ASIC2: variants seen among roughly 807,000 people sequenced by gnomAD.
ASIC2 encodes acid-sensing ion channel 2.
A neutral mutation model predicts 57.3 loss-of-function variants in ASIC2; 25 were observed. The observed-to-expected ratio is 0.44, with a 90% CI of 0.32 to 0.61. The LOEUF (loss-of-function observed/expected upper bound fraction) is 0.61. ASIC2 is among the 20% of genes least tolerant of loss of function. The pLI, the probability that ASIC2 is intolerant of heterozygous loss-of-function variation, is 0.06. For missense variants in ASIC2, 641 were observed against 738.1 expected, an observed-to-expected ratio of 0.87 and a Z score of 1.52; for synonymous variants, 319 against 307.5, an observed-to-expected ratio of 1.04 and a Z score of -0.39.
At chr17:33,305,700 G>A (rs572409674) in intron 1 of ASIC2, among the ~76,000 whole-genome samples, 216 of 152,146 alleles carry the variant, frequency 1.4e-3, no homozygotes, top group Non-Finnish European at 2.1e-3. Context: ...TATAATCCGC[G>A]TAAGGATATA....
intron 1 of ASIC2, among the ~76,000 whole-genome samples, chr17:33,731,524 G>C (rs1464113827): frequency 1.3e-5 from 2 of 152,206 alleles, no homozygotes; most frequent in Non-Finnish European, 2.9e-5. Flanking sequence ...ATCTATGCTA[G>C]AGTTCTGCTG....
chr17:33,017,505 G>T, intron 8 of ASIC2, 100 bp downstream of exon 8: 2 of 953,776 alleles, frequency 2.1e-6, no homozygotes, highest in Middle Eastern at 2.3e-4. Flanking sequence ...GGCTCTGCAT[G>T]GAGAGAGGCA....
At chr17:33,113,102 A>C (rs541766903) in intron 1 of ASIC2, among the ~76,000 whole-genome samples, 1 of 152,290 alleles carries the variant, frequency 6.6e-6, no homozygotes, top group Non-Finnish European at 1.5e-5. Flanking sequence ...GCTTGATGAA[A>C]GTATGATTAC....
intron 1 of ASIC2, among the ~76,000 whole-genome samples, chr17:33,627,516 T>G (rs923587369): frequency 6.6e-6 from 1 of 152,210 alleles, no homozygotes. Context: ...CTGCCACTGA[T>G]GAAAAGTGTC....
At chr17:33,816,106 T>C (rs1912571344) in intron 1 of ASIC2, among the ~76,000 whole-genome samples, 1 of 122,080 alleles carries the variant, frequency 8.2e-6, no homozygotes, top group Non-Finnish European at 1.6e-5. Context: ...ATGGAAGAGA[T>C]GAGGGGAGAC....
intron 1 of ASIC2, among the ~76,000 whole-genome samples, chr17:34,032,992 C>T (rs886403641): frequency 2.6e-5 from 4 of 152,186 alleles, no homozygotes; most frequent in Non-Finnish European, 4.4e-5. Context: ...AGGAATTGAA[C>T]TCAGCTCTGC....
chr17:33,217,216 G>T (rs1270113559), intron 1 of ASIC2, among the ~76,000 whole-genome samples: 2 of 152,162 alleles, frequency 1.3e-5, no homozygotes, highest in East Asian at 3.9e-4. Context: ...TCTGATGGAT[G>T]GTTACCCCAA....
intron 1 of ASIC2, among the ~76,000 whole-genome samples, chr17:33,502,638 G>A (rs910561797): frequency 1.3e-5 from 2 of 152,124 alleles, no homozygotes; most frequent in Non-Finnish European, 2.9e-5. Context: ...CTCACATCAG[G>A]GCAGGAACCC....
intron 1 of ASIC2, among the ~76,000 whole-genome samples, chr17:33,729,422 G>A (rs1272384347): frequency 6.6e-6 from 1 of 152,118 alleles, no homozygotes; most frequent in African/African-American, 2.4e-5. Context: ...CAACACTGGG[G>A]ATTACATTTT....
intron 1 of ASIC2, among the ~76,000 whole-genome samples, chr17:33,228,641 C>T (rs1458433239): frequency 6.6e-6 from 1 of 152,254 alleles, no homozygotes; most frequent in African/African-American, 2.4e-5. Flanking sequence ...GATTGTGTAT[C>T]ACTCGGAAGA....
chr17:33,799,403 T>TTTTCTTTCTTTCTTTC (rs1555562483), intron 1 of ASIC2, among the ~76,000 whole-genome samples: 3 of 51,312 alleles, frequency 5.8e-5, no homozygotes, highest in South Asian at 4.6e-4. Context: ...TCTTTCTTTC[T>TTTTCTTTCTTTCTTTC]TTTCTTTCTT....
intron 1 of ASIC2, among the ~76,000 whole-genome samples, chr17:33,485,361 G>A (rs1597746814): frequency 1.3e-5 from 2 of 152,186 alleles, no homozygotes; most frequent in Non-Finnish European, 2.9e-5. Context: ...TAGAATCCAA[G>A]GGCACTGCCT....
intron 1 of ASIC2, among the ~76,000 whole-genome samples, chr17:33,939,490 TG>T (rs1210012095): frequency 6.6e-6 from 1 of 152,220 alleles, no homozygotes; most frequent in Non-Finnish European, 1.5e-5. Flanking sequence ...TGAGAAAGCC[TG>T]GAACTAGACT....
rs146270752 is a variant in ASIC2 at position 34,148,159 on chromosome 17, T to C, written c.555+7819A>G. ...TAAGCAGTTCTGGATGTCTAAAATC[T>C]TCCAGAGAAAGAGACACAGACATGC... On this transcript the variant is annotated intron_variant, in intron 1 of 9. Transcript: ENST00000359872. Among the ~76,000 whole-genome samples, 61 of 152,304 alleles carry C rather than the reference T, an allele frequency of 4.0e-4. No homozygotes were observed. In the East Asian group the frequency reaches 9.3e-3, roughly 23 times the overall value.
At chr17:33,646,898 A>G (rs1309379774) in intron 1 of ASIC2, among the ~76,000 whole-genome samples, 1 of 152,030 alleles carries the variant, frequency 6.6e-6, no homozygotes, top group African/African-American at 2.4e-5. Flanking sequence ...GGGAGCTGAC[A>G]GTGAATGGCG....
intron 1 of ASIC2, among the ~76,000 whole-genome samples, chr17:33,182,221 C>T (rs1241546260): frequency 1.3e-5 from 2 of 152,000 alleles, no homozygotes; most frequent in Non-Finnish European, 2.9e-5. Flanking sequence ...GAAGGAACAG[C>T]CAATAGGATT....
intron 1 of ASIC2, among the ~76,000 whole-genome samples, chr17:33,915,883 T>C (rs1915573223): frequency 6.6e-6 from 1 of 152,058 alleles, no homozygotes; most frequent in African/African-American, 2.4e-5. Flanking sequence ...ATAGGTGAGA[T>C]TGAAGGCACA....
At chr17:33,776,987 C>T (rs1204461462) in intron 1 of ASIC2, among the ~76,000 whole-genome samples, 1 of 152,214 alleles carries the variant, frequency 6.6e-6, no homozygotes, top group African/African-American at 2.4e-5. Context: ...GTCTCCCCTT[C>T]CGAGCCCTGC....
At chr17:33,492,227 G>A (rs191185241) in intron 1 of ASIC2, among the ~76,000 whole-genome samples, 11 of 152,292 alleles carry the variant, frequency 7.2e-5, no homozygotes, top group African/African-American at 2.4e-4. Context: ...CAGCAATTCC[G>A]TGTGGTGAGG....
Sources: allele counts gnomAD v4.1 joint callset (sites outside exome capture counted in the v4.1 genomes callset), GRCh38; gene constraint gnomAD v4.1.1; transcripts MANE v1.5; gene names NCBI Gene and HGNC (gene_info 2026-07-23, HGNC 2026-07-21).